Variants in SORBS3 observed in about 807,000 individuals in gnomAD.
SORBS3 encodes the protein sorbin and SH3 domain containing 3.
SORBS3 carries 69 observed loss-of-function variants against 98.0 expected under a neutral mutation model. The observed-to-expected ratio is 0.70, with a 90% CI of 0.58 to 0.86. The LOEUF (loss-of-function observed/expected upper bound fraction) is 0.86, where lower values mean the gene tolerates loss of function less well. SORBS3 is among the 40% of genes least tolerant of loss of function. The pLI is 0.00. For synonymous variants in SORBS3, 394 were observed against 355.4 expected, an observed-to-expected ratio of 1.11 and a Z score of -1.22; for missense variants, 954 against 908.5, an observed-to-expected ratio of 1.05 and a Z score of -0.64.
At chr8:22,571,503 G>A (rs1169150516) in intron 18 of SORBS3, among the ~76,000 whole-genome samples, 1 of 152,234 alleles carries the variant, frequency 6.6e-6, no homozygotes, top group East Asian at 1.9e-4. Flanking sequence ...CCCAGGCACT[G>A]ACCTTACTTG....
Position 22,571,017 on chromosome 8 carries a change from T to G in SORBS3, c.1539T>G (p.Ser513=). 1.2e-6 allele frequency: 2 copies of G among 1,613,616 alleles called. No individual in the cohort carries two copies. The highest frequency in any genetic ancestry group is 1.7e-6 in the Non-Finnish European group (2 of 1,179,914). The change falls in exon 18 of 21, where the codon TCT becomes TCG. Residue 513 remains serine, a synonymous_variant. Coordinates refer to ENST00000240123, the MANE Select transcript of SORBS3 (RefSeq NM_005775.5). ...TCCCTGCCAGCTACGTGCAGGTGTC[T>G]CGTGAACCCCGGCTCCGGCTCTGTG... The part of the protein sequence containing the change: ...GIFPASYVQV[S]REPRLRLCDD...
intron 16 of SORBS3, 52 bp from the exon 17 acceptor site, chr8:22,569,096 G>A: frequency 6.4e-7 from 1 of 1,566,670 alleles, no homozygotes; most frequent in Non-Finnish European, 8.7e-7. Context: ...CCCCCAGCCT[G>A]TGCTATGTTG....
chr8:22,548,525 A>C (rs1338602684), upstream of SORBS3, among the ~76,000 whole-genome samples: 1 of 152,164 alleles, frequency 6.6e-6, no homozygotes, highest in Non-Finnish European at 1.5e-5. Context: ...AAGGAAGAAA[A>C]CACTCAGAAT....
At chr8:22,569,716 TA>T (rs1840522083) in intron 17 of SORBS3, among the ~76,000 whole-genome samples, 1 of 152,178 alleles carries the variant, frequency 6.6e-6, no homozygotes, top group Non-Finnish European at 1.5e-5. Flanking sequence ...TCTCTTTCAT[TA>T]TGCTTCCTTT....
Position 22,554,249 on chromosome 8 carries a change from T to C in SORBS3, c.-55-203T>C. The C allele has an allele frequency of 2.9e-6, 1 of 345,680 alleles. No individual in the cohort carries two copies. The highest frequency in any genetic ancestry group is 5.3e-6 in the Non-Finnish European group (1 of 186,950). The allele number at this position is 345,680 out of a possible 1,614,324, so 21.4% of individuals were successfully genotyped here. On this transcript the variant is annotated intron_variant, in intron 1 of 20. Transcript: ENST00000240123. The surrounding 1 kb of genome is among the most constrained non-coding windows in gnomAD (Gnocchi z 6.5). ...TGCCCTGGGCCTAACAAGTGGTCCA[T>C]TGTGCCCCTGGGAGCCGGCAGGCAC...
rs546463155 is a variant in SORBS3 at position 22,554,573 on chromosome 8, C to T, written c.67C>T (p.Gln23Ter). 6.2e-7 allele frequency: 1 copy of T among 1,612,994 alleles called. No homozygotes were observed. Among genetic ancestry groups the T allele is most frequent in the East Asian group, 2.2e-5 (1 of 44,878 alleles). The change falls in exon 2 of 21, where the codon CAG becomes TAG. Residue 23 changes from glutamine to a stop codon, truncating the protein, a stop_gained. Coordinates refer to ENST00000240123, the MANE Select transcript of SORBS3 (RefSeq NM_005775.5). LOFTEE classifies it high-confidence loss of function. This position sits in a 1 kb window ranked among gnomAD's most constrained non-coding sequence, Gnocchi z 6.5. ...GGACGACTTCATCCCTGGCCACCTC[C>T]AGTCCCACATAGGGTCTTCCTCCCG... ...SLDDFIPGHL[Q>*]SHIGSSSRGT...
chr8:22,558,125 C>A lies in SORBS3; in HGVS notation c.415-4C>A, dbSNP rs1483214227. 5.6e-6 allele frequency: 9 copies of A among 1,614,032 alleles called. No homozygotes were observed. The highest frequency in any genetic ancestry group is 7.6e-6 in the Non-Finnish European group (9 of 1,179,960). ...AGGACTGACTTTGCATTTTCTGATCCCAGAGCGTTGACAGACCCAGAGACT... is the reference window on the plus strand; with the variant it reads ...AGGACTGACTTTGCATTTTCTGATCACAGAGCGTTGACAGACCCAGAGACT... On this transcript the variant is annotated splice_polypyrimidine_tract_variant and splice_region_variant and intron_variant, in intron 4 of 20. Coordinates refer to ENST00000240123, the MANE Select transcript of SORBS3 (RefSeq NM_005775.5).
At chr8:22,560,360 TAGAG>T (rs2117238765) in intron 5 of SORBS3, among the ~76,000 whole-genome samples, 1 of 151,742 alleles carries the variant, frequency 6.6e-6, no homozygotes, top group African/African-American at 2.4e-5. Context: ...CCTAGGGAGA[TAGAG>T]AGACAAACAG....
In SORBS3 at chr8:22,566,501, G is replaced by A. The variant is rs1052850227; in HGVS notation, c.1090+17G>A. 6.2e-6 allele frequency: 10 copies of A among 1,610,640 alleles called. No individual in the cohort carries two copies. The South Asian group carries it at 9.9e-5, about 16-fold the overall frequency. On this transcript the variant is annotated intron_variant, in intron 13 of 20. Transcript: ENST00000240123. ...CAACCCGAGGTAAGGACCCAGCCCT[G>A]CTCTCTTTCTCACGGAGATGCCCAC...
intron 5 of SORBS3, among the ~76,000 whole-genome samples, chr8:22,559,903 T>A (rs1840258493): frequency 6.6e-6 from 1 of 150,842 alleles, no homozygotes; most frequent in Non-Finnish European, 1.5e-5. Flanking sequence ...CCTGTCTCTA[T>A]CAAATATACC....
At position 22,575,009 on chromosome 8, in the gene SORBS3, T is replaced by G; in HGVS notation, c.*281T>G. ...TGAAGCGGAGACCATTTCCAGGCCT[T>G]ATTGAGACCAGACCCCAAGTCCCCC... On this transcript the variant is annotated 3_prime_UTR_variant, in exon 21 of 21. Transcript: ENST00000240123. 2 of 590,346 alleles carry G rather than the reference T, an allele frequency of 3.4e-6. No individual in the cohort carries two copies. The highest frequency in any genetic ancestry group is 6.4e-6 in the Non-Finnish European group (2 of 313,362). The allele number at this position is 590,346 out of a possible 1,614,324, so 36.6% of individuals were successfully genotyped here. A position where few individuals can be genotyped will look rare whatever the true frequency, so the allele number is the denominator to read the frequency against.
chr8:22,549,855 T>G, upstream of SORBS3: 1 of 430,508 alleles, frequency 2.3e-6, no homozygotes, highest in Non-Finnish European at 3.1e-6. Context: ...AGTGGGGAAC[T>G]TTGTCAGCTC....
At position 22,569,292 on chromosome 8, in the gene SORBS3, G is replaced by A. The variant is rs201579010; in HGVS notation, c.1431+19G>A. 101 of 1,570,016 alleles carry A rather than the reference G, an allele frequency of 6.4e-5. No individual in the cohort carries two copies. The highest frequency in any genetic ancestry group is 8.0e-5 in the Non-Finnish European group (92 of 1,156,672). ...CCGCAAGGTGGGCCAGGCCGGAGAC[G>A]GAGGGGTGGGTGGGGGCAGGTGAAG... On this transcript the variant is annotated intron_variant, in intron 17 of 20. Coordinates refer to ENST00000240123, the MANE Select transcript of SORBS3 (RefSeq NM_005775.5).
Position 22,554,845 on chromosome 8 carries a change from C to A in SORBS3, c.103-18C>A. On this transcript the variant is annotated intron_variant, in intron 2 of 20. Transcript: ENST00000240123. This position sits in a 1 kb window ranked among gnomAD's most constrained non-coding sequence, Gnocchi z 6.5. Reference sequence around the variant, plus strand: ...CCCTGCTGGGCCCTGAGCTGCCGCTCCTGGCCCCTCCCCGCAGGTGCCCGT... The same window carrying A: ...CCCTGCTGGGCCCTGAGCTGCCGCTACTGGCCCCTCCCCGCAGGTGCCCGT... 2 of 1,581,520 alleles carry A rather than the reference C, an allele frequency of 1.3e-6. No individual in the cohort carries two copies. Among genetic ancestry groups the A allele is most frequent in the South Asian group, 1.1e-5 (1 of 90,368 alleles).
upstream of SORBS3, among the ~76,000 whole-genome samples, chr8:22,550,304 T>C (rs990613569): frequency 4.5e-4 from 68 of 152,312 alleles, 1 homozygote; most frequent in African/African-American, 1.6e-3. Flanking sequence ...TTCAAGGTCA[T>C]CTTGTTCAGC....
At chr8:22,571,275 C>T in intron 18 of SORBS3, 54 bp downstream of exon 18, 3 of 1,058,158 alleles carry the variant, frequency 2.8e-6, no homozygotes, top group Admixed American at 2.3e-5. Flanking sequence ...CCCTCATCCC[C>T]CACCCCCGTG....
At chr8:22,565,508 G>T in intron 11 of SORBS3, 154 bp downstream of exon 11, 2 of 619,756 alleles carry the variant, frequency 3.2e-6, no homozygotes, top group South Asian at 1.1e-4. Context: ...GGGCGCTGGC[G>T]GGCTCGCTCC....
chr8:22,565,849 C>T lies in SORBS3; in HGVS notation c.927C>T (p.Ala309=), dbSNP rs1743427688. Residue 309 remains alanine (A), a synonymous_variant, in exon 12 of 21, where the codon GCC becomes GCT. Transcript: ENST00000240123. ...SPKSSPAPRR[A]PEQRPPAGPA... ...AGAGCTCGCCGGCGCCCCGACGGGCCCCGGAGCAGCGGCCCCCGGCCGGGT... is the reference window on the plus strand; with the variant it reads ...AGAGCTCGCCGGCGCCCCGACGGGCTCCGGAGCAGCGGCCCCCGGCCGGGT... The T allele has an allele frequency of 2.3e-6, 3 of 1,286,504 alleles. No homozygotes were observed. The highest frequency in any genetic ancestry group is 3.1e-5 in the African/African-American group (2 of 64,464). The allele number at this position is 1,286,504 out of a possible 1,614,324, so 79.7% of individuals were successfully genotyped here.
chr8:22,565,172 G>GT lies in SORBS3; in HGVS notation c.817-95dup, dbSNP rs532718018. Reference sequence around the variant, plus strand: ...TGAGGCCTGCCCTTACGCCGGCCCGGTGCGCTGGCCTTGCTTTTCACAGTC... The same window carrying GT: ...TGAGGCCTGCCCTTACGCCGGCCCGGTTGCGCTGGCCTTGCTTTTCACAGTC... On this transcript the variant is annotated intron_variant, in intron 10 of 20. Coordinates refer to ENST00000240123, the MANE Select transcript of SORBS3 (RefSeq NM_005775.5). The GT allele has an allele frequency of 2.4e-4, 359 of 1,487,580 alleles. 3 individuals carry two copies. In the African/African-American group the frequency reaches 4.5e-3, roughly 19 times the overall value. The allele number at this position is 1,487,580 out of a possible 1,614,324, so 92.1% of individuals were successfully genotyped here.
Sources: allele counts gnomAD v4.1 joint callset (sites outside exome capture counted in the v4.1 genomes callset), GRCh38; gene constraint gnomAD v4.1.1; non-coding constraint Gnocchi (gnomAD v3.1); transcripts MANE v1.5; gene names NCBI Gene and HGNC (gene_info 2026-07-23, HGNC 2026-07-21).